Variants in EPHA6 observed in about 807,000 individuals in gnomAD.
EPHA6 encodes the protein ephrin type-A receptor 6.
A neutral mutation model predicts 112.0 loss-of-function variants in EPHA6; 50 were observed. The observed-to-expected ratio is 0.45, with a 90% CI of 0.36 to 0.56. The LOEUF (loss-of-function observed/expected upper bound fraction) is 0.56, where lower values mean the gene tolerates loss of function less well. EPHA6 is among the 20% of genes least tolerant of loss of function. The pLI is 0.00. For synonymous variants in EPHA6, 529 were observed against 490.7 expected (o/e 1.08, Z -1.03); for missense variants, 1,280 against 1,417.4 (o/e 0.90, Z 1.56).
chr3:96,844,074 G>C (rs1467528032), intron 1 of EPHA6, among the ~76,000 whole-genome samples: 1 of 151,910 alleles, frequency 6.6e-6, no homozygotes, highest in Admixed American at 6.6e-5. Flanking sequence ...GAGAGGAGTA[G>C]GTTTACTTAG....
chr3:97,364,398 A>G (rs569491275), intron 5 of EPHA6, among the ~76,000 whole-genome samples: 1 of 145,714 alleles, frequency 6.9e-6, no homozygotes, highest in Non-Finnish European at 1.5e-5. Flanking sequence ...TCATTCTGTT[A>G]TAAGTATTTC....
intron 2 of EPHA6, among the ~76,000 whole-genome samples, chr3:96,923,872 T>C (rs2039900818): frequency 6.6e-6 from 1 of 152,168 alleles, no homozygotes; most frequent in Admixed American, 6.5e-5. Flanking sequence ...CCCAATACCA[T>C]TTATTAAATA....
At chr3:96,843,801 G>A (rs772894955) in intron 1 of EPHA6, among the ~76,000 whole-genome samples, 3 of 151,914 alleles carry the variant, frequency 2.0e-5, no homozygotes, top group Non-Finnish European at 4.4e-5. Flanking sequence ...TTAAAGAAAA[G>A]TATGCCTTAA....
intron 3 of EPHA6, among the ~76,000 whole-genome samples, chr3:97,211,010 G>A (rs963075510): frequency 1.3e-5 from 2 of 152,134 alleles, no homozygotes; most frequent in African/African-American, 2.4e-5. Context: ...CTGCCACATG[G>A]GTAGTTTCTA....
At chr3:97,398,512 T>C (rs1297712759) in intron 5 of EPHA6, among the ~76,000 whole-genome samples, 1 of 151,480 alleles carries the variant, frequency 6.6e-6, no homozygotes, top group Non-Finnish European at 1.5e-5. Flanking sequence ...CTGTTCTTTT[T>C]TTAATGAATT....
chr3:97,557,132 T>G (rs919979033), intron 11 of EPHA6, among the ~76,000 whole-genome samples: 3 of 152,048 alleles, frequency 2.0e-5, no homozygotes, highest in Non-Finnish European at 4.4e-5. Context: ...GAATTTGACA[T>G]CAGTTTGTGA....
intron 14 of EPHA6, among the ~76,000 whole-genome samples, chr3:97,661,520 A>G (rs761006543): frequency 2.6e-5 from 4 of 152,146 alleles, no homozygotes; most frequent in Non-Finnish European, 4.4e-5. Context: ...AGACATTCAG[A>G]CTAAAAATCC....
chr3:97,226,514 G>A (rs1392161077), intron 4 of EPHA6, 95 bp downstream of exon 4: 9 of 1,159,080 alleles, frequency 7.8e-6, no homozygotes, highest in Admixed American at 2.4e-5. Flanking sequence ...ACAAAATCTT[G>A]CATTATCAAT....
chr3:97,034,253 A>G (rs1025250695), intron 3 of EPHA6, among the ~76,000 whole-genome samples: 17 of 151,944 alleles, frequency 1.1e-4, no homozygotes, highest in African/African-American at 3.6e-4. Flanking sequence ...TTCTATGAAA[A>G]ACAGTTTGAT....
intron 3 of EPHA6, among the ~76,000 whole-genome samples, chr3:97,068,631 C>CA (rs1256215638): frequency 6.6e-6 from 1 of 152,092 alleles, no homozygotes; most frequent in African/African-American, 2.4e-5. Flanking sequence ...CACACACACA[C>CA]ACACACGTTG....
At chr3:97,314,547 T>C (rs1316711436) in intron 5 of EPHA6, among the ~76,000 whole-genome samples, 1 of 151,656 alleles carries the variant, frequency 6.6e-6, no homozygotes, top group Non-Finnish European at 1.5e-5. Context: ...GTTTAGGGTA[T>C]CTAAAAGCTG....
intron 1 of EPHA6, among the ~76,000 whole-genome samples, chr3:96,827,034 G>C (rs373509732): frequency 6.6e-6 from 1 of 152,222 alleles, no homozygotes; most frequent in South Asian, 2.1e-4. Context: ...ATATGAAGAA[G>C]AGTGTTTGAC....
chr3:97,405,751 G>A (rs1029536475), intron 6 of EPHA6, among the ~76,000 whole-genome samples: 3 of 152,004 alleles, frequency 2.0e-5, no homozygotes, highest in Non-Finnish European at 4.4e-5. Context: ...GCATATAAAT[G>A]AAACACTTTC....
At chr3:97,486,220 T>C (rs1449281723) in intron 10 of EPHA6, among the ~76,000 whole-genome samples, 3 of 152,200 alleles carry the variant, frequency 2.0e-5, no homozygotes, top group Non-Finnish European at 4.4e-5. Flanking sequence ...TTCCTATAGA[T>C]TGGGGTCTCT....
chr3:97,056,292 C>T (rs1263107571), intron 3 of EPHA6, among the ~76,000 whole-genome samples: 1 of 152,098 alleles, frequency 6.6e-6, no homozygotes, highest in African/African-American at 2.4e-5. Flanking sequence ...TCATACTGCC[C>T]CCTTCGCTCT....
intron 7 of EPHA6, among the ~76,000 whole-genome samples, chr3:97,450,797 C>T (rs2090502776): frequency 1.3e-5 from 2 of 151,952 alleles, no homozygotes; most frequent in Admixed American, 1.3e-4. Context: ...TAGCCTATGC[C>T]TTCAAACAAG....
intron 6 of EPHA6, among the ~76,000 whole-genome samples, chr3:97,431,673 A>C (rs1577382185): frequency 6.6e-6 from 1 of 152,126 alleles, no homozygotes; most frequent in Non-Finnish European, 1.5e-5. Flanking sequence ...CTCCTTGGTA[A>C]TTTTCCTCCT....
chr3:97,620,542 A>G (rs1287701602), intron 13 of EPHA6, among the ~76,000 whole-genome samples: 2 of 152,092 alleles, frequency 1.3e-5, no homozygotes, highest in African/African-American at 2.4e-5. Context: ...AATATCCAGC[A>G]TATATAAGGA....
intron 11 of EPHA6, among the ~76,000 whole-genome samples, chr3:97,544,119 C>G (rs1236732478): frequency 2.0e-5 from 3 of 152,118 alleles, no homozygotes; most frequent in African/African-American, 2.4e-5. Flanking sequence ...CCAGAACTTC[C>G]AACACTATAT....
Sources: allele counts gnomAD v4.1 joint callset (sites outside exome capture counted in the v4.1 genomes callset), GRCh38; gene constraint gnomAD v4.1.1; transcripts MANE v1.5; gene names NCBI Gene and HGNC (gene_info 2026-07-23, HGNC 2026-07-21).